NCAM1: variants seen among roughly 807,000 people sequenced by gnomAD.
NCAM1 encodes the protein neural cell adhesion molecule 1, also known as antigen recognized by monoclonal antibody 5.1H11.
NCAM1 carries 14 observed loss-of-function variants against 109.8 expected under a neutral mutation model. That is an observed-to-expected ratio of 0.13 (90% CI 0.08 to 0.20). The LOEUF (loss-of-function observed/expected upper bound fraction) is 0.20, where lower values mean the gene tolerates loss of function less well. Among genes scored for constraint, NCAM1 ranks in the 10% least tolerant of loss-of-function variants. NCAM1 has a pLI of 1.00. For synonymous variants in NCAM1, 418 were observed against 442.9 expected (o/e 0.94, Z 0.70); for missense variants, 774 against 1,109.9 (o/e 0.70, Z 4.30).
At chr11:113,177,803 G>C (rs1555107314) in intron 1 of NCAM1, among the ~76,000 whole-genome samples, 2 of 152,094 alleles carry the variant, frequency 1.3e-5, no homozygotes, top group African/African-American at 4.8e-5. Flanking sequence ...ATAGAGCCTG[G>C]AGCCGCTGAG....
chr11:113,272,143 T>C (rs1163581606), intron 19 of NCAM1, among the ~76,000 whole-genome samples: 2 of 152,136 alleles, frequency 1.3e-5, no homozygotes, highest in Non-Finnish European at 2.9e-5. Context: ...TCTCAAGTTA[T>C]ACACATATTC....
chr11:113,056,388 G>A (rs1426487812), intron 1 of NCAM1, among the ~76,000 whole-genome samples: 6 of 152,016 alleles, frequency 3.9e-5, no homozygotes, highest in African/African-American at 9.7e-5. Flanking sequence ...TATAAGAGAT[G>A]AATTGTAATG....
chr11:113,089,571 C>T (rs1939247550), intron 1 of NCAM1, among the ~76,000 whole-genome samples: 1 of 152,110 alleles, frequency 6.6e-6, no homozygotes, highest in South Asian at 2.1e-4. Flanking sequence ...GCTGAAACTA[C>T]AAGCACACAG....
chr11:112,966,861 C>A (rs1377762132), intron 1 of NCAM1, among the ~76,000 whole-genome samples: 2 of 152,226 alleles, frequency 1.3e-5, no homozygotes, highest in Non-Finnish European at 2.9e-5. Context: ...GTTGGGTAGA[C>A]ACACTTTTCC....
chr11:113,014,666 G>A (rs1555075015), intron 1 of NCAM1, among the ~76,000 whole-genome samples: 1 of 152,234 alleles, frequency 6.6e-6, no homozygotes, highest in Non-Finnish European at 1.5e-5. Flanking sequence ...ACTATAAGAT[G>A]TTTTGACGGA....
rs968843274 is a variant in NCAM1, at chr11:112,991,280, C to T, written c.52+29616C>T. ...AATTCACACTTAGGTCCTCAGTCTG[C>T]TACCCCAGGGCACATCAAATGATCA... On this transcript the variant is annotated intron_variant, in intron 1 of 19. Transcript: ENST00000316851. Among the ~76,000 whole-genome samples the T allele has an allele frequency of 2.0e-5, 3 of 152,218 alleles. No individual in the cohort carries two copies. In the East Asian group the frequency reaches 5.8e-4, roughly 29 times the overall value.
intron 17 of NCAM1, chr11:113,269,764 C>T: frequency 4.3e-6 from 1 of 230,660 alleles, no homozygotes; most frequent in Non-Finnish European, 8.6e-6. Flanking sequence ...GGGCCCCTAT[C>T]CCTGAGCACT....
intron 1 of NCAM1, among the ~76,000 whole-genome samples, chr11:113,151,818 G>A (rs1476404824): frequency 3.9e-5 from 6 of 152,214 alleles, no homozygotes; most frequent in Non-Finnish European, 8.8e-5. Flanking sequence ...TATCCCCAGT[G>A]TAGCAAGTTC....
At chr11:113,271,136 G>T (rs887411970) in intron 18 of NCAM1, among the ~76,000 whole-genome samples, 2 of 152,058 alleles carry the variant, frequency 1.3e-5, no homozygotes, top group African/African-American at 4.8e-5. Context: ...TTGGGAGGCC[G>T]AGATGGATGG....
intron 15 of NCAM1, among the ~76,000 whole-genome samples, chr11:113,253,492 C>T (rs1162299154): frequency 6.6e-6 from 1 of 152,122 alleles, no homozygotes; most frequent in African/African-American, 2.4e-5. Flanking sequence ...TAAATAGCAT[C>T]CAATTCAGGG....
intron 1 of NCAM1, among the ~76,000 whole-genome samples, chr11:113,111,225 C>A (rs1420635148): frequency 1.3e-5 from 2 of 152,202 alleles, no homozygotes; most frequent in African/African-American, 2.4e-5. Context: ...TTCATCTGTG[C>A]TTTCATGGCT....
At chr11:113,248,187 T>C (rs1555120628) in intron 15 of NCAM1, among the ~76,000 whole-genome samples, 1 of 148,044 alleles carries the variant, frequency 6.8e-6, no homozygotes, top group Non-Finnish European at 1.5e-5. Flanking sequence ...AAACACTCCT[T>C]AGCAGTCATC....
intron 18 of NCAM1, 107 bp from the exon 19 acceptor site, chr11:113,271,653 C>G: frequency 1.4e-6 from 1 of 714,052 alleles, no homozygotes. Flanking sequence ...AATCTGTTGG[C>G]TCTGGATGCC....
At chr11:113,022,908 G>A (rs868956564) in intron 1 of NCAM1, among the ~76,000 whole-genome samples, 1 of 152,088 alleles carries the variant, frequency 6.6e-6, no homozygotes, top group Non-Finnish European at 1.5e-5. Flanking sequence ...GTGACAAAAA[G>A]GATAATCTTT....
chr11:112,992,570 C>T (rs1343032053), intron 1 of NCAM1, among the ~76,000 whole-genome samples: 12 of 147,972 alleles, frequency 8.1e-5, no homozygotes, highest in South Asian at 2.1e-4. Context: ...GGCGTGATCT[C>T]GGCTCATTGC....
At chr11:113,154,148 A>G (rs1218451958) in intron 1 of NCAM1, among the ~76,000 whole-genome samples, 1 of 152,232 alleles carries the variant, frequency 6.6e-6, no homozygotes, top group East Asian at 1.9e-4. Context: ...GCCCTCAGAC[A>G]TTTCCAGCCA....
At chr11:113,200,919 G>C (rs1256513738) in intron 1 of NCAM1, among the ~76,000 whole-genome samples, 1 of 152,134 alleles carries the variant, frequency 6.6e-6, no homozygotes, top group Non-Finnish European at 1.5e-5. Context: ...GGAGAAACTA[G>C]CTGCCCTAGA....
intron 14 of NCAM1, among the ~76,000 whole-genome samples, chr11:113,238,398 A>G (rs1405665384): frequency 1.3e-5 from 2 of 152,192 alleles, no homozygotes; most frequent in African/African-American, 4.8e-5. Context: ...TTATCACCAA[A>G]GATAACTTAT....
chr11:113,000,847 T>TATATAC lies in NCAM1; in HGVS notation c.52+39184_52+39185insTATACA, dbSNP rs1306306918. Among the ~76,000 whole-genome samples, 21 of 113,586 alleles carry TATATAC rather than the reference T, an allele frequency of 1.8e-4. 1 individual carries two copies. The highest frequency in any genetic ancestry group is 7.4e-4 in the African/African-American group (21 of 28,428). The allele number at this position is 113,586 out of a possible 152,430, so 74.5% of individuals were successfully genotyped here. ...ATATATATATATATATATATATATATACACAAAAAATATATATATATATAC... is the reference window on the plus strand; with the variant it reads ...ATATATATATATATATATATATATATATATACACACAAAAAATATATATATATATAC... On this transcript the variant is annotated intron_variant, in intron 1 of 19. Transcript: ENST00000316851.
Sources: allele counts gnomAD v4.1 joint callset (sites outside exome capture counted in the v4.1 genomes callset), GRCh38; gene constraint gnomAD v4.1.1; transcripts MANE v1.5; gene names NCBI Gene and HGNC (gene_info 2026-07-23, HGNC 2026-07-21).